The following PPIP5K2 variants were observed in gnomAD, a reference collection of about 807,000 sequenced individuals.
PPIP5K2 encodes the protein diphosphoinositol pentakisphosphate kinase 2, also known as inositol hexakisphosphate and diphosphoinositol-pentakisphosphate kinase 2.
A neutral mutation model predicts 154.6 loss-of-function variants in PPIP5K2; 105 were observed. The ratio of observed to expected loss-of-function variants is 0.68; its 90% CI spans 0.58 to 0.80. The LOEUF (loss-of-function observed/expected upper bound fraction) is 0.80. PPIP5K2 is among the 30% of genes least tolerant of loss of function. The pLI is 0.00. For missense variants in PPIP5K2, 992 were observed against 1,504.6 expected (o/e 0.66, Z 5.64); for synonymous variants, 480 against 490.3 (o/e 0.98, Z 0.28).
intron 14 of PPIP5K2, 30 bp from the exon 15 acceptor site, chr5:103,158,158 A>G (rs1795702917): frequency 6.2e-7 from 1 of 1,602,550 alleles, no homozygotes; most frequent in Non-Finnish European, 8.5e-7. Context: ...TAAACTTAAC[A>G]TTTGTTTTAT....
chr5:103,181,304 A>G (rs782035874), intron 24 of PPIP5K2, among the ~76,000 whole-genome samples: 11 of 152,128 alleles, frequency 7.2e-5, no homozygotes, highest in East Asian at 1.9e-4. Context: ...GTGGTGGCTC[A>G]TGCCTGTAAA....
intron 19 of PPIP5K2, among the ~76,000 whole-genome samples, chr5:103,170,246 T>A (rs1019469714): frequency 7.9e-5 from 12 of 151,582 alleles, no homozygotes; most frequent in Non-Finnish European, 1.5e-4. Context: ...TAAATTTTTT[T>A]AAATACCAGA....
At chr5:103,155,840 G>T (rs1304131473) in intron 13 of PPIP5K2, 69 bp from the exon 14 acceptor site, 13 of 974,996 alleles carry the variant, frequency 1.3e-5, no homozygotes, top group Admixed American at 4.0e-5. Context: ...ACAAATAAAA[G>T]GGAGCATGAA....
At chr5:103,192,575 T>A (rs1329554884) in intron 29 of PPIP5K2, among the ~76,000 whole-genome samples, 1 of 152,094 alleles carries the variant, frequency 6.6e-6, no homozygotes, top group Non-Finnish European at 1.5e-5. Context: ...ATGAATGATT[T>A]GAAGGTAATA....
In PPIP5K2 at chr5:103,173,011, C is replaced by CA. The variant is rs1196054275; in HGVS notation, c.2287-138dup. On this transcript the variant is annotated intron_variant, in intron 19 of 30. Transcript: ENST00000358359. ...TTTGAAAATCATACATTTGCAGTTG[C>CA]AAAAAATGCAAACTCGGAGTTATCC... is the stretch of plus-strand genomic sequence containing the variant. The CA allele has an allele frequency of 6.5e-5, 38 of 585,304 alleles. No homozygotes were observed. The African/African-American group carries it at 7.0e-4, about 11-fold the overall frequency. 36.3% of individuals were successfully genotyped at this position (585,304 alleles called of 1,614,324 possible). A position where few individuals can be genotyped will look rare whatever the true frequency, so the allele number is the denominator to read the frequency against.
chr5:103,156,376 A>G (rs1260805531), intron 14 of PPIP5K2, among the ~76,000 whole-genome samples: 4 of 152,200 alleles, frequency 2.6e-5, no homozygotes, highest in African/African-American at 9.6e-5. Context: ...GAAAAAATAT[A>G]CAATTAACCT....
chr5:103,151,524 C>T (rs1313092856), intron 9 of PPIP5K2, 150 bp downstream of exon 9: 4 of 613,306 alleles, frequency 6.5e-6, no homozygotes, highest in African/African-American at 5.6e-5. Context: ...ATGCCAGATC[C>T]TGAATTATAC....
chr5:103,194,833 T>C (rs1801806494), intron 29 of PPIP5K2, 67 bp from the exon 30 acceptor site: 2 of 1,510,970 alleles, frequency 1.3e-6, no homozygotes, highest in East Asian at 4.6e-5. Flanking sequence ...ATAAGAAACT[T>C]TCTATGATGT....
intron 26 of PPIP5K2, among the ~76,000 whole-genome samples, chr5:103,185,031 A>G (rs1800147876): frequency 6.6e-6 from 1 of 152,180 alleles, no homozygotes; most frequent in South Asian, 2.1e-4. Context: ...AAGTTAATTT[A>G]TGAAGGAAAC....
At chr5:103,180,794 G>A (rs1416145982) in intron 24 of PPIP5K2, among the ~76,000 whole-genome samples, 4 of 149,726 alleles carry the variant, frequency 2.7e-5, no homozygotes, top group African/African-American at 4.9e-5. Context: ...AGCTTGCAGT[G>A]AGCTAAGATC....
intron 7 of PPIP5K2, chr5:103,148,394 A>G (rs1196968182): frequency 2.0e-5 from 5 of 245,624 alleles, no homozygotes; most frequent in Non-Finnish European, 3.2e-5. Context: ...CCAAGCAGTG[A>G]TTAGTGTAAG....
chr5:103,191,295 T>C (rs1801199992), intron 29 of PPIP5K2, among the ~76,000 whole-genome samples: 1 of 152,064 alleles, frequency 6.6e-6, no homozygotes, highest in Non-Finnish European at 1.5e-5. Flanking sequence ...ATATTCCTAT[T>C]GTATATCATT....
chr5:103,177,770 A>G lies in PPIP5K2; in HGVS notation c.2633A>G (p.Asn878Ser), dbSNP rs782507302. The G allele has an allele frequency of 1.9e-6, 3 of 1,607,988 alleles. No individual in the cohort carries two copies. Among genetic ancestry groups the G allele is most frequent in the African/African-American group, 1.3e-5 (1 of 74,744 alleles). Residue 878 changes from asparagine (N) to serine (S), a missense_variant, in exon 22 of 31, where the codon AAT (asparagine) becomes AGT (serine). Physicochemically the swap from Asn to Ser is conservative, Grantham distance 46. Coordinates refer to ENST00000358359, the MANE Select transcript of PPIP5K2 (RefSeq NM_001276277.3). ...GTTATCATGCTTTATGAGGATCCTA[A>G]TAAGGTAAACAGAGCTCTTGATTTG... ...QIVIMLYEDPNKDLSSEERFH... is the reference protein window; with the variant it reads ...QIVIMLYEDPSKDLSSEERFH...
rs181729899 is a variant in PPIP5K2, at chr5:103,177,824, A to T, written c.2638-40A>T. ...TTTACCAGACATAAATAAAGAGCTT[A>T]AAGTTTCTCATTTTGAAAATGTTCT... is the stretch of plus-strand genomic sequence containing the variant. On this transcript the variant is annotated intron_variant, in intron 22 of 30. Coordinates refer to ENST00000358359, the MANE Select transcript of PPIP5K2 (RefSeq NM_001276277.3). 1.9e-6 allele frequency: 3 copies of T among 1,596,316 alleles called. No individual in the cohort carries two copies. The African/African-American group carries it at 4.0e-5, about 21-fold the overall frequency.
At chr5:103,154,794 AT>A (rs782159791) in intron 12 of PPIP5K2, 39 bp from the exon 13 acceptor site, 16 of 1,548,760 alleles carry the variant, frequency 1.0e-5, no homozygotes, top group Non-Finnish European at 1.4e-5. Flanking sequence ...TAGTGGTGAA[AT>A]TACATAAAAA....
At chr5:103,153,646 C>T (rs1289531939) in intron 10 of PPIP5K2, among the ~76,000 whole-genome samples, 2 of 151,774 alleles carry the variant, frequency 1.3e-5, no homozygotes, top group African/African-American at 4.8e-5. Context: ...ATATCACCTC[C>T]CTCCCCCAGC....
chr5:103,180,678 G>A (rs1380171249), intron 24 of PPIP5K2, among the ~76,000 whole-genome samples: 2 of 151,702 alleles, frequency 1.3e-5, no homozygotes, highest in Non-Finnish European at 2.9e-5. Context: ...TGAAACCCCC[G>A]TCTCTACTAA....
At chr5:103,182,962 A>G (rs1253882380) in intron 24 of PPIP5K2, among the ~76,000 whole-genome samples, 2 of 152,048 alleles carry the variant, frequency 1.3e-5, no homozygotes, top group Non-Finnish European at 1.5e-5. Flanking sequence ...TAAGTATTTT[A>G]TGTCTTTTAA....
chr5:103,150,931 T>C (rs1554211083), intron 8 of PPIP5K2, among the ~76,000 whole-genome samples: 1 of 151,148 alleles, frequency 6.6e-6, no homozygotes, highest in Non-Finnish European at 1.5e-5. Context: ...AAAATTTTGC[T>C]TTTGTTTTTA....
Sources: gnomAD v4.1 joint callset for allele counts (sites outside exome capture counted in the v4.1 genomes callset) on GRCh38, gnomAD v4.1.1 for gene constraint, MANE v1.5 for transcripts, NCBI Gene and HGNC (gene_info 2026-07-23, HGNC 2026-07-21) for gene names.